The following DPP10 variants were observed in gnomAD, a reference collection of about 807,000 sequenced individuals.
The protein encoded by DPP10 is inactive dipeptidyl peptidase 10.
A neutral mutation model predicts 120.9 loss-of-function variants in DPP10; 33 were observed. The observed-to-expected ratio is 0.27, with a 90% confidence interval of 0.21 to 0.37. The LOEUF (loss-of-function observed/expected upper bound fraction) is 0.37. DPP10 is among the 10% of genes least tolerant of loss of function. DPP10 has a pLI of 1.00. For missense variants in DPP10, 816 were observed against 942.8 expected, an observed-to-expected ratio of 0.87 and a Z score of 1.76; for synonymous variants, 337 against 326.1, an observed-to-expected ratio of 1.03 and a Z score of -0.36.
At chr2:114,734,528 T>C (rs1677231524) in intron 1 of DPP10, among the ~76,000 whole-genome samples, 1 of 152,314 alleles carries the variant, frequency 6.6e-6, no homozygotes. Flanking sequence ...TGTATTTGAT[T>C]GATGTTTCAT....
At chr2:114,708,679 C>G (rs114538727) in intron 1 of DPP10, among the ~76,000 whole-genome samples, 4 of 152,120 alleles carry the variant, frequency 2.6e-5, no homozygotes, top group Non-Finnish European at 4.4e-5. Context: ...AAAGGAAGAA[C>G]GTGAAGCTAA....
At chr2:115,815,127 C>T (rs990044451) in intron 20 of DPP10, 140 bp downstream of exon 20, 5 of 816,260 alleles carry the variant, frequency 6.1e-6, no homozygotes, top group East Asian at 2.9e-5. Flanking sequence ...AAGCCTATTT[C>T]ATTTTTTTTT....
At chr2:114,742,201 A>T (rs1261717530) in intron 1 of DPP10, among the ~76,000 whole-genome samples, 1 of 152,218 alleles carries the variant, frequency 6.6e-6, no homozygotes, top group Non-Finnish European at 1.5e-5. Flanking sequence ...AGAATTCTCT[A>T]ACAGCCTTTC....
intron 7 of DPP10, among the ~76,000 whole-genome samples, chr2:115,726,505 A>G (rs930454737): frequency 2.0e-5 from 3 of 152,144 alleles, no homozygotes; most frequent in Admixed American, 2.0e-4. Flanking sequence ...TATCAAGGTC[A>G]TTAGGATTTT....
chr2:114,721,902 C>G (rs1053197965), intron 1 of DPP10, among the ~76,000 whole-genome samples: 1 of 152,182 alleles, frequency 6.6e-6, no homozygotes, highest in East Asian at 1.9e-4. Flanking sequence ...CGACTTTTGG[C>G]AAGTTACTTA....
intron 1 of DPP10, among the ~76,000 whole-genome samples, chr2:114,519,875 C>T (rs1327018930): frequency 2.6e-5 from 4 of 152,220 alleles, no homozygotes; most frequent in South Asian, 4.1e-4. Context: ...TACCCTTACT[C>T]ATTCACCTGT....
chr2:114,927,203 G>A (rs1213847399), intron 1 of DPP10, among the ~76,000 whole-genome samples: 1 of 152,072 alleles, frequency 6.6e-6, no homozygotes, highest in Non-Finnish European at 1.5e-5. Context: ...GTACATGGAT[G>A]CAACACTGTA....
At chr2:115,489,021 C>T (rs1022167941) in intron 3 of DPP10, among the ~76,000 whole-genome samples, 3 of 151,872 alleles carry the variant, frequency 2.0e-5, no homozygotes, top group African/African-American at 4.8e-5. Flanking sequence ...TTGCAATGAT[C>T]GGTGATTAAC....
intron 1 of DPP10, among the ~76,000 whole-genome samples, chr2:114,662,780 AG>A (rs556336843): frequency 1.3e-5 from 2 of 151,930 alleles, no homozygotes; most frequent in Non-Finnish European, 2.9e-5. Context: ...CTGAAGTGCC[AG>A]GGGGGGACCT....
chr2:114,983,091 GA>G (rs1285421560), intron 1 of DPP10, among the ~76,000 whole-genome samples: 1 of 152,054 alleles, frequency 6.6e-6, no homozygotes, highest in Non-Finnish European at 1.5e-5. Flanking sequence ...TATAACTAAT[GA>G]TGCATTATAT....
intron 1 of DPP10, among the ~76,000 whole-genome samples, chr2:114,975,518 T>C (rs1699697757): frequency 6.6e-6 from 1 of 152,254 alleles, no homozygotes; most frequent in Admixed American, 6.5e-5. Flanking sequence ...ACATTTCTCC[T>C]GCATCAAATA....
intron 1 of DPP10, among the ~76,000 whole-genome samples, chr2:114,741,815 A>G (rs2105990636): frequency 6.6e-6 from 1 of 152,334 alleles, no homozygotes; most frequent in South Asian, 2.1e-4. Flanking sequence ...CAGGACCACC[A>G]GAAACTGAAA....
At chr2:114,925,266 G>A (rs889934364) in intron 1 of DPP10, among the ~76,000 whole-genome samples, 5 of 151,820 alleles carry the variant, frequency 3.3e-5, no homozygotes, top group Non-Finnish European at 7.4e-5. Flanking sequence ...GTATGGAATG[G>A]GGTCTTCAAA....
intron 1 of DPP10, among the ~76,000 whole-genome samples, chr2:115,073,187 G>A (rs1707511361): frequency 6.6e-6 from 1 of 152,192 alleles, no homozygotes; most frequent in African/African-American, 2.4e-5. Context: ...AAAATTTAAT[G>A]TTCATGTGTA....
intron 5 of DPP10, among the ~76,000 whole-genome samples, chr2:115,668,979 C>A (rs1243857295): frequency 1.3e-5 from 2 of 152,032 alleles, no homozygotes; most frequent in African/African-American, 4.8e-5. Flanking sequence ...GTATTTCAGG[C>A]CTTCCCTTAG....
At chr2:114,488,453 C>T (rs2104715155) in intron 1 of DPP10, among the ~76,000 whole-genome samples, 1 of 152,242 alleles carries the variant, frequency 6.6e-6, no homozygotes, top group Admixed American at 6.5e-5. Context: ...TAGGGTGGCT[C>T]ATTTTGATCC....
intron 3 of DPP10, among the ~76,000 whole-genome samples, chr2:115,407,336 C>G (rs2068591851): frequency 6.6e-6 from 1 of 152,086 alleles, no homozygotes; most frequent in Non-Finnish European, 1.5e-5. Flanking sequence ...CTATCATTCC[C>G]CCTCGAAAGG....
chr2:114,498,959 T>C (rs1400695365), intron 1 of DPP10, among the ~76,000 whole-genome samples: 1 of 152,242 alleles, frequency 6.6e-6, no homozygotes, highest in Non-Finnish European at 1.5e-5. Flanking sequence ...AATGGAATAC[T>C]ATTCCGCTTT....
intron 1 of DPP10, among the ~76,000 whole-genome samples, chr2:114,808,470 C>G (rs1018350531): frequency 1.3e-5 from 2 of 151,776 alleles, no homozygotes; most frequent in African/African-American, 4.8e-5. Flanking sequence ...AGTGATTATA[C>G]CAATTTACAC....
Sources: allele counts gnomAD v4.1 joint callset (sites outside exome capture counted in the v4.1 genomes callset), GRCh38; gene constraint gnomAD v4.1.1; transcripts MANE v1.5; gene names NCBI Gene and HGNC (gene_info 2026-07-23, HGNC 2026-07-21).